Variants in ADGRL2 observed in about 807,000 individuals in gnomAD.
ADGRL2 encodes calcium-independent alpha-latrotoxin receptor 2.
ADGRL2 carries 44 observed loss-of-function variants against 157.4 expected under a neutral mutation model. The observed-to-expected ratio is 0.28, with a 90% CI of 0.22 to 0.36. The LOEUF is 0.36. ADGRL2 is among the 10% of genes least tolerant of loss of function. ADGRL2 has a pLI of 1.00. For synonymous variants in ADGRL2, 585 were observed against 624.7 expected (o/e 0.94, Z 0.95); for missense variants, 1,510 against 1,768.9 (o/e 0.85, Z 2.63).
intron 1 of ADGRL2, among the ~76,000 whole-genome samples, chr1:81,805,666 G>T (rs1571320726): frequency 7.0e-6 from 1 of 143,594 alleles, no homozygotes. Flanking sequence ...TCCTTACCCT[G>T]AAATTATTTT....
At position 81,993,435 on chromosome 1, in the gene ADGRL2, G is replaced by A. The variant is rs1205885441; in HGVS notation, c.*2290G>A. ...TGGTTCAGTAATAAATTTTTTTAAA[G>A]GCAACACTGATTATTCAGTTAGTCC... On this transcript the variant is annotated 3_prime_UTR_variant, in exon 24 of 24. Coordinates refer to ENST00000686636, the MANE Select transcript of ADGRL2 (RefSeq NM_001366006.2). 6.6e-6 allele frequency among the ~76,000 whole-genome samples: 1 copy of A among 151,810 alleles called. No homozygotes were observed. The highest frequency in any genetic ancestry group is 1.5e-5 in the Non-Finnish European group (1 of 67,984).
At chr1:81,437,560 A>C (rs1449735607) in intron 1 of ADGRL2, among the ~76,000 whole-genome samples, 4 of 152,196 alleles carry the variant, frequency 2.6e-5, no homozygotes, top group Non-Finnish European at 5.9e-5. Flanking sequence ...TGGATGTGTG[A>C]TGTGTTTTCA....
At chr1:81,939,905 A>G (rs1647264586) in intron 4 of ADGRL2, among the ~76,000 whole-genome samples, 1 of 151,390 alleles carries the variant, frequency 6.6e-6, no homozygotes, top group African/African-American at 2.4e-5. Flanking sequence ...TTCATTAATC[A>G]TCAAAGGTTT....
chr1:81,386,955 T>C (rs184122132), intron 1 of ADGRL2, among the ~76,000 whole-genome samples: 5 of 152,274 alleles, frequency 3.3e-5, no homozygotes, highest in Non-Finnish European at 5.9e-5. Context: ...CTTTACATTG[T>C]ATGAGGAAAA....
At chr1:81,319,791 G>A (rs2100610649) in intron 1 of ADGRL2, among the ~76,000 whole-genome samples, 1 of 152,318 alleles carries the variant, frequency 6.6e-6, no homozygotes, top group Admixed American at 6.5e-5. Context: ...TGAGCTTTCT[G>A]CAGTCATAAT....
intron 11 of ADGRL2, among the ~76,000 whole-genome samples, chr1:81,958,400 C>G (rs1654285908): frequency 6.6e-6 from 1 of 152,064 alleles, no homozygotes; most frequent in Admixed American, 6.6e-5. Flanking sequence ...TTGTCTTGTT[C>G]TCTTTTCAGA....
intron 2 of ADGRL2, among the ~76,000 whole-genome samples, chr1:81,479,486 T>TA (rs1203499163): frequency 2.0e-5 from 3 of 150,468 alleles, no homozygotes; most frequent in African/African-American, 2.4e-5. Context: ...GTCTGAAAAA[T>TA]AAAAAAAAAG....
intron 1 of ADGRL2, among the ~76,000 whole-genome samples, chr1:81,752,976 A>G (rs1239451420): frequency 2.6e-5 from 4 of 152,226 alleles, no homozygotes; most frequent in Admixed American, 2.6e-4. Context: ...AGCACAGCAA[A>G]TAATAGATTA....
At chr1:81,876,903 G>A (rs2093854956) in intron 2 of ADGRL2, among the ~76,000 whole-genome samples, 2 of 152,152 alleles carry the variant, frequency 1.3e-5, no homozygotes, top group African/African-American at 4.8e-5. Context: ...GCTGTTGACT[G>A]TGGTTGAGGT....
chr1:81,943,604 A>C lies in ADGRL2; in HGVS notation c.1045A>C (p.Asn349His). 6.2e-7 allele frequency: 1 copy of C among 1,613,768 alleles called. No individual in the cohort carries two copies. Among genetic ancestry groups the C allele is most frequent in the Non-Finnish European group, 8.5e-7 (1 of 1,179,736 alleles). The change falls in exon 6 of 24, where the codon AAT (asparagine) becomes CAT (histidine). Residue 349 changes from asparagine (N) to histidine (H), a missense_variant. By Grantham distance (68) the Asn-to-His change is moderately conservative. Around this residue, in one of 4 missense-constraint regions of ADGRL2, gnomAD observed 361 missense variants for 498.4 expected, o/e 0.72. Transcript: ENST00000686636. The surrounding 1 kb of genome is among the most constrained non-coding windows in gnomAD (Gnocchi z 5.6). ...TGKNSIDYIY[N>H]TRLNRGEYVD... ...CAAGAACTCAATTGATTACATTTAT[A>C]ATACCCGATTAAACCGAGGAGAATA...
intron 2 of ADGRL2, among the ~76,000 whole-genome samples, chr1:81,521,847 T>C (rs1022158975): frequency 1.1e-4 from 16 of 152,350 alleles, no homozygotes; most frequent in African/African-American, 3.6e-4. Context: ...TATGATTTCA[T>C]AGTCCTTCTC....
At chr1:81,477,917 G>A (rs963485074) in intron 2 of ADGRL2, among the ~76,000 whole-genome samples, 5 of 152,106 alleles carry the variant, frequency 3.3e-5, no homozygotes, top group East Asian at 1.9e-4. Flanking sequence ...TGGCTGCAGC[G>A]TCATCTTGTG....
At chr1:81,321,046 T>C (rs1032838434) in intron 1 of ADGRL2, among the ~76,000 whole-genome samples, 2 of 152,186 alleles carry the variant, frequency 1.3e-5, no homozygotes, top group African/African-American at 4.8e-5. Context: ...CTTAGCCAGA[T>C]CTTCTGGGTA....
chr1:81,322,977 C>T (rs1205818746), intron 1 of ADGRL2, among the ~76,000 whole-genome samples: 2 of 152,014 alleles, frequency 1.3e-5, no homozygotes, highest in Admixed American at 6.6e-5. Context: ...CCTGCCTCAG[C>T]CCCCTGAATA....
intron 1 of ADGRL2, among the ~76,000 whole-genome samples, chr1:81,737,916 C>A (rs560665338): frequency 2.5e-4 from 38 of 152,250 alleles, no homozygotes; most frequent in Non-Finnish European, 4.7e-4. Flanking sequence ...ACACTTACCC[C>A]ATAAAATACT....
intron 2 of ADGRL2, among the ~76,000 whole-genome samples, chr1:81,845,906 A>T (rs1365149680): frequency 6.6e-6 from 1 of 151,832 alleles, no homozygotes; most frequent in Non-Finnish European, 1.5e-5. Context: ...TTTGTTATAT[A>T]GCTATTTTCT....
intron 1 of ADGRL2, among the ~76,000 whole-genome samples, chr1:81,700,971 A>C (rs982153294): frequency 1.3e-5 from 2 of 152,242 alleles, no homozygotes; most frequent in Non-Finnish European, 2.9e-5. Context: ...TTTGCATGCA[A>C]ATGCAGAAAT....
chr1:81,719,541 A>G (rs1223589387), intron 1 of ADGRL2, among the ~76,000 whole-genome samples: 2 of 152,142 alleles, frequency 1.3e-5, no homozygotes, highest in Non-Finnish European at 2.9e-5. Flanking sequence ...TTATCATGTC[A>G]AATCTTAAGT....
At chr1:81,374,589 C>CAAAAAAAAAAA (rs1553158626) in intron 1 of ADGRL2, among the ~76,000 whole-genome samples, 7 of 42,348 alleles carry the variant, frequency 1.7e-4, no homozygotes, top group East Asian at 7.7e-4. Flanking sequence ...AAAAAAAAAA[C>CAAAAAAAAAAA]AAGTTGCCTT....
Sources: allele counts gnomAD v4.1 joint callset (sites outside exome capture counted in the v4.1 genomes callset), GRCh38; gene constraint gnomAD v4.1.1; regional missense constraint gnomAD v4.1.1; non-coding constraint Gnocchi (gnomAD v3.1); transcripts MANE v1.5; gene names NCBI Gene and HGNC (gene_info 2026-07-23, HGNC 2026-07-21).